Variants in DEUP1 observed in about 807,000 individuals in gnomAD.
DEUP1 encodes the protein coiled-coil domain containing 67.
Under a neutral mutation model 87.4 loss-of-function variants are expected in DEUP1, and 82 were observed. The observed-to-expected ratio is 0.94, with a 90% CI of 0.78 to 1.13. The LOEUF is 1.13. Among genes scored for constraint, DEUP1 ranks in the 50% most tolerant of loss-of-function variants. The pLI, the probability that DEUP1 is intolerant of heterozygous loss-of-function variation, is 0.00. For synonymous variants in DEUP1, 214 were observed against 222.7 expected (o/e 0.96, Z 0.35); for missense variants, 663 against 681.5 (o/e 0.97, Z 0.30).
intron 7 of DEUP1, among the ~76,000 whole-genome samples, chr11:93,377,420 G>GT (rs1213563347): frequency 6.6e-6 from 1 of 152,060 alleles, no homozygotes; most frequent in Admixed American, 6.6e-5. Context: ...TTTATCTGAT[G>GT]TAAGAGTAGC....
intron 4 of DEUP1, among the ~76,000 whole-genome samples, chr11:93,359,783 T>C (rs899497369): frequency 9.9e-5 from 15 of 152,062 alleles, no homozygotes; most frequent in Admixed American, 8.5e-4. Context: ...CAACAAAAAC[T>C]ATAGCCCCAC....
intron 9 of DEUP1, among the ~76,000 whole-genome samples, chr11:93,392,901 G>A (rs1215089150): frequency 6.6e-6 from 1 of 151,396 alleles, no homozygotes; most frequent in African/African-American, 2.4e-5. Context: ...TGAGCTCTTT[G>A]CCTGGGATCC....
chr11:93,363,678 T>A (rs1945284185), intron 4 of DEUP1, among the ~76,000 whole-genome samples: 1 of 151,860 alleles, frequency 6.6e-6, no homozygotes, highest in African/African-American at 2.4e-5. Context: ...ATTTTGATAT[T>A]AAAATTTATT....
At chr11:93,389,547 A>C (rs1946704162) in intron 9 of DEUP1, among the ~76,000 whole-genome samples, 1 of 151,894 alleles carries the variant, frequency 6.6e-6, no homozygotes, top group Non-Finnish European at 1.5e-5. Flanking sequence ...GTTAGCTGCT[A>C]ACTAGCAGTT....
chr11:93,358,495 C>T (rs1418259394), intron 4 of DEUP1, among the ~76,000 whole-genome samples: 1 of 152,190 alleles, frequency 6.6e-6, no homozygotes, highest in African/African-American at 2.4e-5. Flanking sequence ...TATTACAGGC[C>T]ATAAGAAGTC....
intron 7 of DEUP1, among the ~76,000 whole-genome samples, chr11:93,380,794 T>TA (rs914127161): frequency 6.6e-6 from 1 of 152,068 alleles, no homozygotes; most frequent in Admixed American, 6.6e-5. Flanking sequence ...TTTGTTCATT[T>TA]AAAAAAAATT....
intron 11 of DEUP1, among the ~76,000 whole-genome samples, chr11:93,402,921 T>G (rs527553867): frequency 6.6e-6 from 1 of 151,886 alleles, no homozygotes; most frequent in South Asian, 2.1e-4. Flanking sequence ...ACAAGTATAG[T>G]GTTTGGAAAT....
intron 12 of DEUP1, among the ~76,000 whole-genome samples, chr11:93,414,105 G>C (rs1487672196): frequency 3.3e-5 from 5 of 152,106 alleles, no homozygotes; most frequent in Non-Finnish European, 5.9e-5. Context: ...AAATCACAGA[G>C]AGATAAAGTT....
chr11:93,404,441 G>A (rs765103860), intron 11 of DEUP1, among the ~76,000 whole-genome samples: 6 of 151,842 alleles, frequency 4.0e-5, no homozygotes, highest in African/African-American at 9.7e-5. Flanking sequence ...TTCACCATCC[G>A]TAAAGTTTTC....
intron 4 of DEUP1, among the ~76,000 whole-genome samples, chr11:93,359,725 C>T (rs1945071543): frequency 6.6e-6 from 1 of 152,102 alleles, no homozygotes; most frequent in Admixed American, 6.5e-5. Flanking sequence ...TAGATAACAA[C>T]CTCTCTACTC....
chr11:93,330,568 G>C (rs2134841462), upstream of DEUP1: 1 of 152,476 alleles, frequency 6.6e-6, no homozygotes, highest in Admixed American at 6.5e-5. Context: ...GGGCCGCGAC[G>C]TCCCCATGGC....
rs74592346 is a variant in DEUP1, at chr11:93,382,416, A to G, written c.790-2982A>G. The stretch of plus-strand genomic sequence containing the variant: ...CTCATTTGTATTATGAAAAGTTTGA[A>G]TTTTAACATATATGCTTGTACCTGT... On this transcript the variant is annotated intron_variant, in intron 7 of 13. Transcript: ENST00000298050. 7.0e-3 allele frequency among the ~76,000 whole-genome samples: 1,059 copies of G among 152,342 alleles called. 11 individuals carry two copies. The highest frequency in any genetic ancestry group is 0.025 in the African/African-American group (1,021 of 41,584).
chr11:93,372,141 G>A (rs1311368172), intron 7 of DEUP1, among the ~76,000 whole-genome samples: 1 of 151,748 alleles, frequency 6.6e-6, no homozygotes, highest in Non-Finnish European at 1.5e-5. Flanking sequence ...TTTTAGCCGG[G>A]ATGGTCTCGA....
intron 13 of DEUP1, among the ~76,000 whole-genome samples, chr11:93,435,779 G>A (rs898426981): frequency 5.3e-5 from 8 of 152,152 alleles, no homozygotes; most frequent in Admixed American, 6.5e-5. Context: ...GGCAGATCAC[G>A]AGGTCAGGAG....
Position 93,437,896 on chromosome 11 carries a change from C to A in DEUP1, c.*177C>A. The A allele has an allele frequency of 4.1e-6, 2 of 490,364 alleles. No homozygotes were observed. Among genetic ancestry groups the A allele is most frequent in the Non-Finnish European group, 7.4e-6 (2 of 271,852 alleles). The allele number at this position is 490,364 out of a possible 1,614,324, so 30.4% of individuals were successfully genotyped here. A position where few individuals can be genotyped will look rare whatever the true frequency, so the allele number is the denominator to read the frequency against. ...GTATTTTGTTCTATAAAGCTGTTCA[C>A]ATTTCTGCATTAACATGCTAAATTG... On this transcript the variant is annotated 3_prime_UTR_variant, in exon 14 of 14. Transcript: ENST00000298050.
intron 13 of DEUP1, among the ~76,000 whole-genome samples, chr11:93,430,308 T>C (rs1026868755): frequency 1.1e-4 from 17 of 151,836 alleles, no homozygotes; most frequent in African/African-American, 3.6e-4. Context: ...GACACATAAG[T>C]AGTATGGTGA....
chr11:93,427,867 A>G (rs964060417), intron 13 of DEUP1, among the ~76,000 whole-genome samples: 18 of 57,866 alleles, frequency 3.1e-4, no homozygotes, highest in Non-Finnish European at 5.1e-4. Context: ...CAAAAAACAC[A>G]TGAAAAAATG....
intron 13 of DEUP1, among the ~76,000 whole-genome samples, chr11:93,418,306 A>G (rs1188844222): frequency 6.6e-6 from 1 of 152,136 alleles, no homozygotes; most frequent in Non-Finnish European, 1.5e-5. Flanking sequence ...AATATCCAGA[A>G]TCTACAATCA....
At position 93,437,743 on chromosome 11, in the gene DEUP1, TCCCCCC is replaced by T; in HGVS notation, c.*28_*33del. ...GAGCTTTTAAACTTTTTTATTTGCT[TCCCCCC>T]CCCACCCCCGCCAAGAAAAAAAGCT... On this transcript the variant is annotated 3_prime_UTR_variant, in exon 14 of 14. Transcript: ENST00000298050. 3 of 927,218 alleles carry T rather than the reference TCCCCCC, an allele frequency of 3.2e-6. No homozygotes were observed. Among genetic ancestry groups the T allele is most frequent in the Non-Finnish European group, 4.8e-6 (3 of 624,584 alleles). The allele number at this position is 927,218 out of a possible 1,614,324, so 57.4% of individuals were successfully genotyped here. A position where few individuals can be genotyped will look rare whatever the true frequency, so the allele number is the denominator to read the frequency against.
Sources: gnomAD v4.1 joint callset for allele counts (sites outside exome capture counted in the v4.1 genomes callset) on GRCh38, gnomAD v4.1.1 for gene constraint, MANE v1.5 for transcripts, NCBI Gene and HGNC (gene_info 2026-07-23, HGNC 2026-07-21) for gene names.